The following SHANK1 variants were observed in gnomAD, a reference collection of about 807,000 sequenced individuals.
SHANK1 encodes the protein SH3 and multiple ankyrin repeat domains protein 1.
SHANK1 carries 35 observed loss-of-function variants against 165.6 expected under a neutral mutation model. That is an observed-to-expected ratio of 0.21 (90% CI 0.16 to 0.28). The LOEUF is 0.28. Among genes scored for constraint, SHANK1 ranks in the 10% least tolerant of loss-of-function variants. The probability of loss-of-function intolerance (pLI) is 1.00; values close to 1 mark genes in which losing one functional copy is unlikely to be tolerated. For synonymous variants in SHANK1, 1,428 were observed against 1,384.8 expected, an observed-to-expected ratio of 1.03 and a Z score of -0.69; for missense variants, 2,681 against 3,036.4, an observed-to-expected ratio of 0.88 and a Z score of 2.75.
At chr19:50,707,824 C>T (rs566554398) in intron 8 of SHANK1, among the ~76,000 whole-genome samples, 45 of 152,078 alleles carry the variant, frequency 3.0e-4, no homozygotes, top group African/African-American at 9.6e-4. Flanking sequence ...TGTGTATGCC[C>T]GTGCTGCTGG....
intron 7 of SHANK1, 91 bp from the exon 8 acceptor site, chr19:50,711,578 T>C: frequency 6.8e-6 from 6 of 885,134 alleles, no homozygotes; most frequent in Non-Finnish European, 8.8e-6. Flanking sequence ...GCACTGGCCT[T>C]CTCATCCTAT....
In SHANK1 at chr19:50,716,178, C is replaced by A; in HGVS notation, c.459+97G>T. 1 of 1,176,950 alleles carries A rather than the reference C, an allele frequency of 8.5e-7. No individual in the cohort carries two copies. The highest frequency in any genetic ancestry group is 1.3e-5 in the South Asian group (1 of 74,474). The allele number at this position is 1,176,950 out of a possible 1,614,324, so 72.9% of individuals were successfully genotyped here. A position where few individuals can be genotyped will look rare whatever the true frequency, so the allele number is the denominator to read the frequency against. ...TCTGGACTCGCACACTGGGTGCCCC[C>A]TCGTTAAGGTTTCGAGTGTGTTAAA... On this transcript the variant is annotated intron_variant, in intron 3 of 23. Coordinates refer to ENST00000293441, the MANE Select transcript of SHANK1 (RefSeq NM_016148.5). The surrounding 1 kb of genome is among the most constrained non-coding windows in gnomAD (Gnocchi z 8.4).
intron 23 of SHANK1, among the ~76,000 whole-genome samples, chr19:50,665,009 A>G (rs1985419296): frequency 6.6e-6 from 1 of 152,144 alleles, no homozygotes; most frequent in Admixed American, 6.5e-5. Context: ...CACCCGCCTC[A>G]GCCTCCCAAA....
intron 15 of SHANK1, among the ~76,000 whole-genome samples, chr19:50,696,374 C>G (rs1986742331): frequency 6.6e-6 from 1 of 152,056 alleles, no homozygotes; most frequent in South Asian, 2.1e-4. Flanking sequence ...GGGTGGCACC[C>G]CAGCCCCACC....
chr19:50,666,263 C>G lies in SHANK1; in HGVS notation c.5697G>C (p.Gly1899=), dbSNP rs1173793644. 6 of 1,610,886 alleles carry G rather than the reference C, an allele frequency of 3.7e-6. No homozygotes were observed. Among genetic ancestry groups the G allele is most frequent in the South Asian group, 1.1e-5 (1 of 90,564 alleles). ...CCCCGTGGTGGCTGTCTCCGCCTCC[C>G]CCACTGCCTCCTCGGGCCCAGGGCA... ...GALPWARGGS[G]GGGDSHHGGA... is the part of the protein sequence containing the mutation. The change falls in exon 23 of 24, where the codon GGG becomes GGC. Residue 1899 remains glycine (G), a synonymous_variant. Transcript: ENST00000293441.
At position 50,662,829 on chromosome 19, in the gene SHANK1, GGAGGGAGCAAGGGGTA is replaced by G. The variant is rs1470550366; in HGVS notation, c.5769-163_5769-148del. ...AGACGGAGGAGAGACGGGAAGAAAT[GGAGGGAGCAAGGGGTA>G]AGACGGCCGGCCGTCGAGGAAAGAA... On this transcript the variant is annotated intron_variant, in intron 23 of 23. Transcript: ENST00000293441. This position sits in a 1 kb window ranked among gnomAD's most constrained non-coding sequence, Gnocchi z 7.7. 9 of 844,576 alleles carry G rather than the reference GGAGGGAGCAAGGGGTA, an allele frequency of 1.1e-5. No individual in the cohort carries two copies. The African/African-American group carries it at 1.5e-4, about 14-fold the overall frequency. 52.3% of individuals were successfully genotyped at this position (844,576 alleles called of 1,614,324 possible). A position where few individuals can be genotyped will look rare whatever the true frequency, so the allele number is the denominator to read the frequency against.
chr19:50,687,182 A>G lies in SHANK1; in HGVS notation c.2390-370T>C, dbSNP rs897982654. On this transcript the variant is annotated intron_variant, in intron 19 of 23. Coordinates refer to ENST00000293441, the MANE Select transcript of SHANK1 (RefSeq NM_016148.5). ...TCCGACCAGCCCCCTGTCAGGGGAA[A>G]TGGGACCCCCAGGTCCACTCGGCCT... is the stretch of plus-strand genomic sequence containing the variant. The G allele has an allele frequency of 3.4e-4, 170 of 493,178 alleles. 1 individual carries two copies. Among genetic ancestry groups the G allele is most frequent in the Non-Finnish European group, 5.4e-5 (15 of 279,190 alleles). The allele number at this position is 493,178 out of a possible 1,614,324, so 30.6% of individuals were successfully genotyped here. A position where few individuals can be genotyped will look rare whatever the true frequency, so the allele number is the denominator to read the frequency against.
At chr19:50,684,329 G>A (rs907167036) in intron 21 of SHANK1, among the ~76,000 whole-genome samples, 1 of 152,046 alleles carries the variant, frequency 6.6e-6, no homozygotes, top group East Asian at 1.9e-4. Context: ...GGGTTCAAGC[G>A]ATTCTCTCGC....
chr19:50,704,718 G>A (rs1391658504), intron 8 of SHANK1, among the ~76,000 whole-genome samples: 1 of 152,136 alleles, frequency 6.6e-6, no homozygotes, highest in East Asian at 1.9e-4. Context: ...GATGCACCAT[G>A]CATGCGAACT....
Position 50,712,097 on chromosome 19 carries a change from C to T in SHANK1, c.810G>A (p.Gly270=), listed in dbSNP as rs1042449757. The T allele has an allele frequency of 3.7e-6, 6 of 1,603,070 alleles. No homozygotes were observed. The highest frequency in any genetic ancestry group is 5.1e-6 in the Non-Finnish European group (6 of 1,175,112). The stretch of plus-strand genomic sequence containing the variant: ...GACGGTCCTTGTAGTTGGGGGAACC[C>T]CCAAGGTCCAGGAGCGCCTAGGAAC... ...CLALTALLDL[G]GSPNYKDRRG... The change falls in exon 7 of 24, where the codon GGG becomes GGA. Residue 270 remains glycine (G), a synonymous_variant. Coordinates refer to ENST00000293441, the MANE Select transcript of SHANK1 (RefSeq NM_016148.5).
rs148233649 is a variant in SHANK1, at chr19:50,663,847, ATTTG to A, written c.5769-1169_5769-1166del. Among the ~76,000 whole-genome samples the A allele has an allele frequency of 8.0e-4, 120 of 150,774 alleles. No individual in the cohort carries two copies. The East Asian group carries it at 0.022, about 28-fold the overall frequency. On this transcript the variant is annotated intron_variant, in intron 23 of 23. Transcript: ENST00000293441. Reference sequence around the variant, plus strand: ...GTTCTTAAAGGCCTAATAAACCCACATTTGTTTGTTTATTTTTACAGCGTAGGAG... The same window carrying A: ...GTTCTTAAAGGCCTAATAAACCCACATTTGTTTATTTTTACAGCGTAGGAG...
chr19:50,703,941 G>T (rs1326381509), intron 10 of SHANK1, 111 bp from the exon 11 acceptor site: 2 of 732,822 alleles, frequency 2.7e-6, no homozygotes, highest in Non-Finnish European at 4.5e-6. Flanking sequence ...GAAAGACAGA[G>T]ATGAGAAAGG....
In SHANK1 at chr19:50,661,863, G is replaced by A; in HGVS notation, c.*102C>T. On this transcript the variant is annotated 3_prime_UTR_variant, in exon 24 of 24. Coordinates refer to ENST00000293441, the MANE Select transcript of SHANK1 (RefSeq NM_016148.5). ...ATGAGGGCAGGGCGCAGTTTGAACA[G>A]AGTCCCTGGCCCGGGGAGAGAATGA... 7.4e-7 allele frequency: 1 copy of A among 1,354,560 alleles called. No homozygotes were observed. Among genetic ancestry groups the A allele is most frequent in the Admixed American group, 1.8e-5 (1 of 56,474 alleles). 83.9% of individuals were successfully genotyped at this position (1,354,560 alleles called of 1,614,324 possible).
At chr19:50,700,948 T>C (rs1986897211) in intron 12 of SHANK1, among the ~76,000 whole-genome samples, 1 of 152,066 alleles carries the variant, frequency 6.6e-6, no homozygotes, top group Non-Finnish European at 1.5e-5. Flanking sequence ...TGCTGGGTCA[T>C]TAAACTGAGC....
Position 50,668,663 on chromosome 19 carries a change from G to A in SHANK1, c.3297C>T (p.Pro1099=), listed in dbSNP as rs1192014634. The change falls in exon 23 of 24, where the codon CCC becomes CCT. Residue 1099 remains proline, a synonymous_variant. Transcript: ENST00000293441. The part of the protein sequence containing the change: ...PRAASAAMYV[P]ARSGRGRKGP... ...CCTTGCGGCCGCGGCCCGAGCGGGC[G>A]GGCACGTACATGGCTGCGCTGGCCG... The A allele has an allele frequency of 4.4e-5, 60 of 1,360,348 alleles. No individual in the cohort carries two copies. The highest frequency in any genetic ancestry group is 5.6e-5 in the Non-Finnish European group (59 of 1,057,236). The allele number at this position is 1,360,348 out of a possible 1,614,324, so 84.3% of individuals were successfully genotyped here.
intron 8 of SHANK1, chr19:50,711,074 A>C: frequency 2.7e-6 from 1 of 364,908 alleles, no homozygotes; most frequent in African/African-American, 2.1e-5. Context: ...AGCACTCTGG[A>C]CTGTAGCAGC....
intron 16 of SHANK1, 113 bp from the exon 17 acceptor site, chr19:50,689,081 C>T: frequency 8.9e-7 from 1 of 1,123,276 alleles, no homozygotes; most frequent in Non-Finnish European, 1.3e-6. Context: ...GGGACCAGCA[C>T]CCCGGGGTGG....
chr19:50,662,288 C>A lies in SHANK1; in HGVS notation c.6163G>T (p.Val2055Leu), dbSNP rs1297917906. The A allele has an allele frequency of 1.2e-6, 2 of 1,611,814 alleles. No homozygotes were observed. The highest frequency in any genetic ancestry group is 1.7e-6 in the Non-Finnish European group (2 of 1,178,670). The change falls in exon 24 of 24, where the codon GTG (valine) becomes TTG (leucine). Residue 2055 changes from valine (V) to leucine (L), a missense_variant. Val to Leu is a conservative substitution (Grantham distance 32). This residue lies in a region of SHANK1 where 1,713 missense variants were observed against 1,630.2 expected (regional missense o/e 1.05). Coordinates refer to ENST00000293441, the MANE Select transcript of SHANK1 (RefSeq NM_016148.5). The surrounding 1 kb of genome is among the most constrained non-coding windows in gnomAD (Gnocchi z 7.7). ...GSADPFAPVF[V>L]PPHPGISGGL... ...CCGGATATCCCCGGGTGTGGCGGCA[C>A]AAAGACTGGGGCGAAGGGGTCAGCC...
Position 50,662,757 on chromosome 19 carries a change from G to A in SHANK1, c.5769-75C>T. The A allele has an allele frequency of 6.6e-7, 1 of 1,514,660 alleles. No individual in the cohort carries two copies. Among genetic ancestry groups the A allele is most frequent in the East Asian group, 2.5e-5 (1 of 40,766 alleles). 93.8% of individuals were successfully genotyped at this position (1,514,660 alleles called of 1,614,324 possible). A position where few individuals can be genotyped will look rare whatever the true frequency, so the allele number is the denominator to read the frequency against. On this transcript the variant is annotated intron_variant, in intron 23 of 23. Coordinates refer to ENST00000293441, the MANE Select transcript of SHANK1 (RefSeq NM_016148.5). This position sits in a 1 kb window ranked among gnomAD's most constrained non-coding sequence, Gnocchi z 7.7. ...AGGGCAGGGGTGAGAAAGAGGCAGA[G>A]GTCAAGATATAGGGAGAGAGGAGGA... is the stretch of plus-strand genomic sequence containing the variant.
Sources: gnomAD v4.1 joint callset for allele counts (sites outside exome capture counted in the v4.1 genomes callset) on GRCh38, gnomAD v4.1.1 for gene constraint, gnomAD v4.1.1 regional missense constraint, Gnocchi (gnomAD v3.1) non-coding constraint, MANE v1.5 for transcripts, NCBI Gene and HGNC (gene_info 2026-07-23, HGNC 2026-07-21) for gene names.